GARNL3: variants seen among roughly 807,000 people sequenced by gnomAD.
The protein encoded by GARNL3 is GTPase activating Rap/RanGAP domain like 3, also known as GTPase-activating Rap/Ran-GAP domain-like protein 3.
A neutral mutation model predicts 125.0 loss-of-function variants in GARNL3; 63 were observed. The ratio of observed to expected loss-of-function variants is 0.50; its 90% CI spans 0.41 to 0.62. GARNL3 has a LOEUF of 0.62. GARNL3 is among the 20% of genes least tolerant of loss of function. The pLI is 0.00. For missense variants in GARNL3, 994 were observed against 1,244.0 expected (o/e 0.80, Z 3.02); for synonymous variants, 439 against 457.5 (o/e 0.96, Z 0.52).
intron 6 of GARNL3, among the ~76,000 whole-genome samples, chr9:127,324,368 G>A (rs2065498329): frequency 6.6e-6 from 1 of 152,194 alleles, no homozygotes; most frequent in Non-Finnish European, 1.5e-5. Context: ...TTTCAGAATT[G>A]CCATGTCTCC....
chr9:127,231,048 A>ATTTTTTT (rs1437296463), intron 1 of GARNL3, among the ~76,000 whole-genome samples: 18 of 43,702 alleles, frequency 4.1e-4, no homozygotes, highest in African/African-American at 2.1e-3. Flanking sequence ...ATATATATAT[A>ATTTTTTT]TATTTTTTTT....
At chr9:127,265,234 C>T (rs2063678682) in intron 1 of GARNL3, among the ~76,000 whole-genome samples, 1 of 152,076 alleles carries the variant, frequency 6.6e-6, no homozygotes, top group Admixed American at 6.6e-5. Flanking sequence ...ATCTTGTCTT[C>T]CAGTTTGTTA....
In GARNL3 at chr9:127,384,837, G is replaced by A. The variant is rs1832456961; in HGVS notation, c.2270-190G>A. Among the ~76,000 whole-genome samples, 1 of 152,194 alleles carries A rather than the reference G, an allele frequency of 6.6e-6. No individual in the cohort carries two copies. Among genetic ancestry groups the A allele is most frequent in the African/African-American group, 2.4e-5 (1 of 41,450 alleles). ...TGGGAGGCGCAGTGTGGCAACCGAG[G>A]GGAGGCTGTCTTGGGAACCCAGGCT... On this transcript the variant is annotated intron_variant, in intron 23 of 27. Coordinates refer to ENST00000373387, the MANE Select transcript of GARNL3 (RefSeq NM_032293.5). This position sits in a 1 kb window ranked among gnomAD's most constrained non-coding sequence, Gnocchi z 4.0.
chr9:127,289,007 T>C (rs1415420330), intron 1 of GARNL3, among the ~76,000 whole-genome samples: 4 of 152,178 alleles, frequency 2.6e-5, no homozygotes, highest in Non-Finnish European at 5.9e-5. Flanking sequence ...CTCAGAATGC[T>C]TCTCCCAAAG....
chr9:127,344,506 G>A, intron 15 of GARNL3, 167 bp downstream of exon 15: 1 of 615,426 alleles, frequency 1.6e-6, no homozygotes, highest in Non-Finnish European at 3.0e-6. Flanking sequence ...AACCGAGTAG[G>A]TGCAGTTCTC....
chr9:127,234,962 A>G (rs763953016), intron 1 of GARNL3, among the ~76,000 whole-genome samples: 24 of 152,186 alleles, frequency 1.6e-4, no homozygotes, highest in Non-Finnish European at 3.1e-4. Context: ...AGACACAGAC[A>G]TTAGATCATA....
rs140251272 is a variant in GARNL3 at position 127,354,383 on chromosome 9, A to C, written c.1732A>C (p.Arg578=). ...KQAGKSRSDC[R]ENKLEKTKGC... ...GGCTGGGAAGAGCAGGTCTGACTGCAGAGAAAACAAGTTGGAGAAAACAAA... is the reference window on the plus strand; with the variant it reads ...GGCTGGGAAGAGCAGGTCTGACTGCCGAGAAAACAAGTTGGAGAAAACAAA... Residue 578 remains arginine, a synonymous_variant, in exon 19 of 28, where the codon AGA becomes CGA. Coordinates refer to ENST00000373387, the MANE Select transcript of GARNL3 (RefSeq NM_032293.5). The C allele has an allele frequency of 1.0e-4, 163 of 1,612,238 alleles. No individual in the cohort carries two copies. The African/African-American group carries it at 2.1e-3, about 21-fold the overall frequency.
chr9:127,274,505 A>G (rs1445404493), intron 1 of GARNL3, among the ~76,000 whole-genome samples: 1 of 152,050 alleles, frequency 6.6e-6, no homozygotes, highest in Non-Finnish European at 1.5e-5. Context: ...TGGCTTCCTC[A>G]TGCTCTCCCT....
chr9:127,381,513 C>G (rs1832255432), intron 22 of GARNL3, among the ~76,000 whole-genome samples: 1 of 152,206 alleles, frequency 6.6e-6, no homozygotes, highest in African/African-American at 2.4e-5. Context: ...ATCTTTACCT[C>G]TACCCTCTGT....
At chr9:127,373,486 C>T (rs887803275) in intron 22 of GARNL3, among the ~76,000 whole-genome samples, 3 of 152,186 alleles carry the variant, frequency 2.0e-5, no homozygotes, top group Non-Finnish European at 2.9e-5. Context: ...TAAAATCAGC[C>T]GGGTCCGATG....
At chr9:127,256,471 T>C (rs2063497009) in intron 2 of GARNL3, among the ~76,000 whole-genome samples, 1 of 152,196 alleles carries the variant, frequency 6.6e-6, no homozygotes, top group African/African-American at 2.4e-5. Context: ...TATTGTGCTT[T>C]GCTTGCACAA....
At chr9:127,335,500 G>A (rs1306303440) in intron 10 of GARNL3, among the ~76,000 whole-genome samples, 167 bp downstream of exon 10, 1 of 152,220 alleles carries the variant, frequency 6.6e-6, no homozygotes, top group Non-Finnish European at 1.5e-5. Flanking sequence ...CAAATCTTAG[G>A]AAGAGCTATT....
upstream of GARNL3, among the ~76,000 whole-genome samples, chr9:127,263,424 A>G (rs1432988675): frequency 6.6e-6 from 1 of 152,142 alleles, no homozygotes; most frequent in African/African-American, 2.4e-5. Context: ...GTCAACAGCC[A>G]TTGGGCATCC....
intron 19 of GARNL3, 61 bp downstream of exon 19, chr9:127,354,471 G>A: frequency 2.1e-6 from 2 of 953,106 alleles, no homozygotes; most frequent in Non-Finnish European, 3.3e-6. Context: ...AGGCTGCCCA[G>A]GTTTTACTGA....
rs1187785889 is a variant in GARNL3, at chr9:127,285,950, A to G, written c.145-5218A>G. 2.0e-5 allele frequency among the ~76,000 whole-genome samples: 3 copies of G among 152,150 alleles called. No homozygotes were observed. In the East Asian group the frequency reaches 5.8e-4, roughly 29 times the overall value. ...TTTAGTAGGGAAATGTAACCAATTCATATTTATTAAAACATCTGTGCTGTT... is the reference window on the plus strand; with the variant it reads ...TTTAGTAGGGAAATGTAACCAATTCGTATTTATTAAAACATCTGTGCTGTT... On this transcript the variant is annotated intron_variant, in intron 1 of 27. Transcript: ENST00000373387.
Position 127,314,761 on chromosome 9 carries a change from CT to C in GARNL3, c.438+1203del, listed in dbSNP as rs769681078. ...TTGCTTATTTTAATTTCCAAAGATA[CT>C]GTCTATATGACATTATAAGTTGTGA... On this transcript the variant is annotated intron_variant, in intron 4 of 27. Transcript: ENST00000373387. Among the ~76,000 whole-genome samples the C allele has an allele frequency of 9.6e-4, 147 of 152,332 alleles. 1 individual carries two copies. Among genetic ancestry groups the C allele is most frequent in the Middle Eastern group, 3.4e-3 (1 of 294 alleles).
At chr9:127,279,102 C>T (rs2064036438) in intron 1 of GARNL3, among the ~76,000 whole-genome samples, 1 of 152,118 alleles carries the variant, frequency 6.6e-6, no homozygotes, top group African/African-American at 2.4e-5. Context: ...GTACAGTTAC[C>T]TTTTGCCCTT....
chr9:127,331,782 G>A (rs1288482362), intron 7 of GARNL3, among the ~76,000 whole-genome samples: 3 of 128,108 alleles, frequency 2.3e-5, no homozygotes, highest in Non-Finnish European at 4.8e-5. Context: ...TTAGGAATTG[G>A]GGAAAATGAG....
intron 1 of GARNL3, among the ~76,000 whole-genome samples, chr9:127,229,787 T>C (rs2062971054): frequency 6.6e-6 from 1 of 152,232 alleles, no homozygotes; most frequent in Non-Finnish European, 1.5e-5. Flanking sequence ...TGAGCCACCA[T>C]ACCCAGCAGT....
Sources: allele counts gnomAD v4.1 joint callset (sites outside exome capture counted in the v4.1 genomes callset), GRCh38; gene constraint gnomAD v4.1.1; non-coding constraint Gnocchi (gnomAD v3.1); transcripts MANE v1.5; gene names NCBI Gene and HGNC (gene_info 2026-07-23, HGNC 2026-07-21).